MAML3: variants seen among roughly 807,000 people sequenced by gnomAD.
The protein encoded by MAML3 is mastermind-like protein 3.
Under a neutral mutation model 101.9 loss-of-function variants are expected in MAML3, and 27 were observed. The observed-to-expected ratio is 0.27, with a 90% CI of 0.20 to 0.37. MAML3 has a LOEUF of 0.37. MAML3 is among the 10% of genes least tolerant of loss of function. The probability of loss-of-function intolerance (pLI) is 1.00; values close to 1 mark genes in which losing one functional copy is unlikely to be tolerated. For synonymous variants in MAML3, 501 were observed against 555.9 expected, an observed-to-expected ratio of 0.90 and a Z score of 1.39; for missense variants, 1,316 against 1,444.9, an observed-to-expected ratio of 0.91 and a Z score of 1.45.
intron 1 of MAML3, among the ~76,000 whole-genome samples, chr4:140,052,344 G>A (rs754486599): frequency 6.6e-6 from 1 of 152,036 alleles, no homozygotes; most frequent in Non-Finnish European, 1.5e-5. Context: ...GCACAACAGT[G>A]ACATTTTCAT....
intron 1 of MAML3, among the ~76,000 whole-genome samples, chr4:140,035,280 A>C (rs550056906): frequency 6.6e-6 from 1 of 152,242 alleles, no homozygotes; most frequent in African/African-American, 2.4e-5. Flanking sequence ...GGCCAAGCCA[A>C]GGAAATTCTA....
intron 1 of MAML3, among the ~76,000 whole-genome samples, chr4:139,913,139 C>T (rs1732962315): frequency 6.6e-6 from 1 of 152,140 alleles, no homozygotes; most frequent in South Asian, 2.1e-4. Context: ...TCTGTCTTTT[C>T]CAGGCATAAA....
intron 1 of MAML3, among the ~76,000 whole-genome samples, chr4:139,936,538 T>C (rs1733508974): frequency 6.6e-6 from 1 of 152,180 alleles, no homozygotes; most frequent in Non-Finnish European, 1.5e-5. Context: ...TCAGAAATTT[T>C]CTGAGATATC....
intron 1 of MAML3, among the ~76,000 whole-genome samples, chr4:140,099,260 C>T (rs1200639089): frequency 2.0e-5 from 3 of 151,460 alleles, no homozygotes; most frequent in East Asian, 1.9e-4. Flanking sequence ...CACACACACA[C>T]GTGCACACAA....
chr4:140,008,210 G>T (rs895029821), intron 1 of MAML3, among the ~76,000 whole-genome samples: 4 of 152,178 alleles, frequency 2.6e-5, no homozygotes, highest in Non-Finnish European at 4.4e-5. Context: ...AGCTGGGCGT[G>T]GTGGCGCATG....
At chr4:140,083,623 T>C (rs111863541) in intron 1 of MAML3, among the ~76,000 whole-genome samples, 192 of 152,334 alleles carry the variant, frequency 1.3e-3, no homozygotes, top group African/African-American at 4.3e-3. Context: ...TATGACATCA[T>C]GCTACCATCC....
chr4:139,873,229 G>A (rs1277065833), intron 2 of MAML3, among the ~76,000 whole-genome samples: 1 of 152,174 alleles, frequency 6.6e-6, no homozygotes, highest in Non-Finnish European at 1.5e-5. Flanking sequence ...GTCCAGGACT[G>A]CTAAGTGAAA....
At position 140,154,081 on chromosome 4, in the gene MAML3, C is replaced by T. The variant is rs968062668; in HGVS notation, c.-754G>A. The T allele has an allele frequency of 6.4e-5, 11 of 172,840 alleles. No homozygotes were observed. The highest frequency in any genetic ancestry group is 1.2e-4 in the Non-Finnish European group (10 of 80,238). The allele number at this position is 172,840 out of a possible 1,614,324, so 10.7% of individuals were successfully genotyped here. On this transcript the variant is annotated 5_prime_UTR_variant, in exon 1 of 5. Coordinates refer to ENST00000509479, the MANE Select transcript of MAML3 (RefSeq NM_018717.5). ...TGGGCTGCCGCTGCCGCCGCTGCTC[C>T]TGCCACCATCACAATGATCAACTGC...
At chr4:139,966,802 C>T (rs1242448946) in intron 1 of MAML3, among the ~76,000 whole-genome samples, 1 of 152,122 alleles carries the variant, frequency 6.6e-6, no homozygotes, top group Non-Finnish European at 1.5e-5. Context: ...CAAAAATACC[C>T]ATCATGAAAG....
intron 1 of MAML3, among the ~76,000 whole-genome samples, chr4:139,991,021 T>C (rs1023230349): frequency 2.3e-4 from 35 of 152,198 alleles, no homozygotes; most frequent in African/African-American, 7.7e-4. Flanking sequence ...AAGCTACCAA[T>C]GACTTTCTTC....
At chr4:139,986,252 GTCC>G (rs147178841) in intron 1 of MAML3, among the ~76,000 whole-genome samples, 1 of 152,044 alleles carries the variant, frequency 6.6e-6, no homozygotes, top group Admixed American at 6.6e-5. Context: ...TCTTTCAGCT[GTCC>G]TCCTCCTCCT....
At chr4:139,937,651 G>C (rs967189617) in intron 1 of MAML3, among the ~76,000 whole-genome samples, 1 of 152,138 alleles carries the variant, frequency 6.6e-6, no homozygotes, top group Non-Finnish European at 1.5e-5. Flanking sequence ...GCCTCCCAAA[G>C]TGCTGGGAAT....
intron 1 of MAML3, among the ~76,000 whole-genome samples, chr4:140,007,455 G>T (rs1481632593): frequency 6.6e-6 from 1 of 152,200 alleles, no homozygotes; most frequent in Non-Finnish European, 1.5e-5. Context: ...AATGGAAGAT[G>T]AGGCGAAAGG....
chr4:140,005,427 CA>C (rs1346900467), intron 1 of MAML3, among the ~76,000 whole-genome samples: 2 of 152,216 alleles, frequency 1.3e-5, no homozygotes, highest in African/African-American at 4.8e-5. Flanking sequence ...ATGATCACCA[CA>C]GGACTAGATC....
At chr4:139,973,973 C>T (rs960706939) in intron 1 of MAML3, among the ~76,000 whole-genome samples, 12 of 152,260 alleles carry the variant, frequency 7.9e-5, no homozygotes, top group African/African-American at 2.9e-4. Context: ...AGCCAAATTA[C>T]ATACAAGTAT....
At chr4:140,013,281 C>G (rs922109711) in intron 1 of MAML3, among the ~76,000 whole-genome samples, 1 of 152,234 alleles carries the variant, frequency 6.6e-6, no homozygotes, top group African/African-American at 2.4e-5. Context: ...AGTCCATGAA[C>G]ACAGCCTGCA....
chr4:139,782,633 G>T (rs996976468), intron 2 of MAML3, among the ~76,000 whole-genome samples: 14 of 152,296 alleles, frequency 9.2e-5, no homozygotes, highest in African/African-American at 1.9e-4. Flanking sequence ...CCTTCCTGGT[G>T]CCCCTTTTGG....
In MAML3 at chr4:139,853,752, G is replaced by T. The variant is rs543841283; in HGVS notation, c.2079+35605C>A. Among the ~76,000 whole-genome samples, 3 of 152,218 alleles carry T rather than the reference G, an allele frequency of 2.0e-5. No homozygotes were observed. In the East Asian group the frequency reaches 5.8e-4, roughly 29 times the overall value. ...GTTGGGGGAGTGGGAGTGGAGAGGG[G>T]TGTTTAAATACCAGCTCTGCTTTTT... On this transcript the variant is annotated intron_variant, in intron 2 of 4. Coordinates refer to ENST00000509479, the MANE Select transcript of MAML3 (RefSeq NM_018717.5).
chr4:140,007,295 G>C (rs1359362479), intron 1 of MAML3, among the ~76,000 whole-genome samples: 1 of 152,158 alleles, frequency 6.6e-6, no homozygotes, highest in Non-Finnish European at 1.5e-5. Context: ...ATCACCAACT[G>C]GAGGAAAATT....
Sources: allele counts gnomAD v4.1 joint callset (sites outside exome capture counted in the v4.1 genomes callset), GRCh38; gene constraint gnomAD v4.1.1; transcripts MANE v1.5; gene names NCBI Gene and HGNC (gene_info 2026-07-23, HGNC 2026-07-21).